CEP85: variants seen among roughly 807,000 people sequenced by gnomAD.
The protein encoded by CEP85 is centrosomal protein of 85 kDa.
A neutral mutation model predicts 93.7 loss-of-function variants in CEP85; 58 were observed. The observed-to-expected ratio is 0.62, with a 90% confidence interval of 0.50 to 0.77. CEP85 has a LOEUF of 0.77. Among genes scored for constraint, CEP85 ranks in the 30% least tolerant of loss-of-function variants. CEP85 has a pLI of 0.00. For synonymous variants in CEP85, 314 were observed against 338.6 expected (o/e 0.93, Z 0.80); for missense variants, 868 against 922.0 (o/e 0.94, Z 0.76).
intron 3 of CEP85, among the ~76,000 whole-genome samples, chr1:26,251,103 C>T (rs538122979): frequency 4.0e-5 from 6 of 151,236 alleles, no homozygotes; most frequent in African/African-American, 1.5e-4. Context: ...CCATCATGCC[C>T]AGCTAATTTT....
rs1351682256 is a variant in CEP85 at position 26,243,801 on chromosome 1, C to G, written c.56-365C>G. ...GATTATGAGATCAGGAGTTCAAGACCAGCCTGGCCAAGATGGTGAAACCGC... is the reference window on the plus strand; with the variant it reads ...GATTATGAGATCAGGAGTTCAAGACGAGCCTGGCCAAGATGGTGAAACCGC... On this transcript the variant is annotated intron_variant, in intron 2 of 13. Transcript: ENST00000451429. Among the ~76,000 whole-genome samples the G allele has an allele frequency of 2.0e-5, 3 of 152,078 alleles. No homozygotes were observed. The East Asian group carries it at 5.8e-4, about 29-fold the overall frequency.
intron 7 of CEP85, among the ~76,000 whole-genome samples, chr1:26,266,549 A>C (rs2089898176): frequency 6.6e-6 from 1 of 152,226 alleles, no homozygotes; most frequent in Admixed American, 6.5e-5. Flanking sequence ...GGTGATTCTG[A>C]TACATACTGA....
intron 2 of CEP85, among the ~76,000 whole-genome samples, chr1:26,240,045 C>T (rs1407393031): frequency 1.3e-5 from 2 of 152,078 alleles, no homozygotes; most frequent in Non-Finnish European, 1.5e-5. Context: ...AACAGGACCA[C>T]GTGGTTGGGA....
At position 26,255,726 on chromosome 1, in the gene CEP85, C is replaced by G; in HGVS notation, c.764C>G (p.Ala255Gly). Reference sequence around the variant, plus strand: ...GTCCTCCCTTTGGGACTCCAGCCTGCTCCCGGGCTCTCCAAGCCTCTGCCC... The same window carrying G: ...GTCCTCCCTTTGGGACTCCAGCCTGGTCCCGGGCTCTCCAAGCCTCTGCCC... ...SGVLPLGLQP[A>G]PGLSKPLPSQ... The change falls in exon 4 of 14, where the codon GCT (alanine) becomes GGT (glycine). Residue 255 changes from alanine (A) to glycine (G), a missense_variant. Coordinates refer to ENST00000451429, the MANE Select transcript of CEP85 (RefSeq NM_001319944.2). 1 of 1,614,182 alleles carries G rather than the reference C, an allele frequency of 6.2e-7. No individual in the cohort carries two copies.
intron 2 of CEP85, among the ~76,000 whole-genome samples, chr1:26,242,025 G>A (rs952715985): frequency 6.6e-6 from 1 of 151,480 alleles, no homozygotes; most frequent in Non-Finnish European, 1.5e-5. Flanking sequence ...GCCTCCCAAA[G>A]TGCTAGGATT....
In CEP85 at chr1:26,276,727, G is replaced by A; in HGVS notation, c.2095G>A (p.Asp699Asn). 13 of 1,614,092 alleles carry A rather than the reference G, an allele frequency of 8.1e-6. No individual in the cohort carries two copies. The highest frequency in any genetic ancestry group is 1.1e-5 in the Non-Finnish European group (13 of 1,179,996). ...TGTGACCCAGAGGGCCCAGGGCCATGACCCCAATCTCTCCCTGCTCCTGGG... is the reference window on the plus strand; with the variant it reads ...TGTGACCCAGAGGGCCCAGGGCCATAACCCCAATCTCTCCCTGCTCCTGGG... ...SIVTQRAQGH[D>N]PNLSLLLGIH... The change falls in exon 13 of 14, where the codon GAC becomes AAC. Residue 699 changes from aspartate (D) to asparagine (N), a missense_variant. Asp to Asn is a conservative substitution (Grantham distance 23, BLOSUM62 1). Coordinates refer to ENST00000451429, the MANE Select transcript of CEP85 (RefSeq NM_001319944.2).
chr1:26,266,014 C>T (rs1347820632), intron 7 of CEP85, among the ~76,000 whole-genome samples: 3 of 151,974 alleles, frequency 2.0e-5, no homozygotes, highest in Non-Finnish European at 2.9e-5. Context: ...TCAAGATCAG[C>T]GTGGCCAACA....
chr1:26,276,481 T>TA, intron 12 of CEP85, 54 bp from the exon 13 acceptor site: 1 of 1,399,232 alleles, frequency 7.1e-7, no homozygotes, highest in Non-Finnish European at 1.0e-6. Context: ...CATGCACAGA[T>TA]ACTCTTCCTC....
chr1:26,261,036 C>T (rs1251737618), intron 7 of CEP85, among the ~76,000 whole-genome samples: 1 of 151,684 alleles, frequency 6.6e-6, no homozygotes, highest in African/African-American at 2.4e-5. Context: ...GGTGATCCAC[C>T]CACCTCAGCC....
rs145067166 is a variant in CEP85 at position 26,259,869 on chromosome 1, T to A, written c.1341+67T>A. On this transcript the variant is annotated intron_variant, in intron 7 of 13. Transcript: ENST00000451429. ...GCAGTCAGCTGTCTACTCTAAAGCC[T>A]AAGCTGTTTCTGGCCTGGAACTAAG... The A allele has an allele frequency of 2.2e-3, 2,962 of 1,363,710 alleles. 21 individuals are homozygous for A. The Middle Eastern group carries it at 0.028, about 13-fold the overall frequency. 84.5% of individuals were successfully genotyped at this position (1,363,710 alleles called of 1,614,324 possible).
intron 7 of CEP85, 28 bp from the exon 8 acceptor site, chr1:26,268,455 G>A (rs770875992): frequency 1.9e-6 from 3 of 1,613,810 alleles, no homozygotes; most frequent in South Asian, 2.2e-5. Flanking sequence ...GTGAATGGTG[G>A]AGACAGACTT....
chr1:26,272,719 C>T (rs1272729915), intron 11 of CEP85, among the ~76,000 whole-genome samples: 3 of 149,152 alleles, frequency 2.0e-5, no homozygotes, highest in African/African-American at 7.4e-5. Flanking sequence ...ACCTCTGCCT[C>T]CCAGGTTCAA....
At chr1:26,275,848 A>G (rs1375599026) in intron 12 of CEP85, among the ~76,000 whole-genome samples, 2 of 152,194 alleles carry the variant, frequency 1.3e-5, no homozygotes, top group African/African-American at 2.4e-5. Context: ...ATAAAAATAC[A>G]ATCAAGGTAG....
chr1:26,263,246 G>A, intron 7 of CEP85: 1 of 321,402 alleles, frequency 3.1e-6, no homozygotes, highest in Non-Finnish European at 6.0e-6. Flanking sequence ...TGTTGACGAA[G>A]ATCTTATAAG....
chr1:26,277,092 G>A (rs1258667203), intron 13 of CEP85, 44 bp from the exon 14 acceptor site: 3 of 1,593,936 alleles, frequency 1.9e-6, no homozygotes, highest in African/African-American at 2.7e-5. Flanking sequence ...ACATGAAAAT[G>A]TCTCATAACT....
intron 11 of CEP85, among the ~76,000 whole-genome samples, chr1:26,272,617 A>ATTTTTTTTTTTTTTTT (rs397861910): frequency 3.3e-5 from 3 of 89,690 alleles, no homozygotes; most frequent in African/African-American, 1.5e-4. Context: ...CTATTACAGC[A>ATTTTTTTTTTTTTTTT]TTTTTTTTTT....
chr1:26,275,509 G>A (rs1286481661), intron 12 of CEP85, among the ~76,000 whole-genome samples: 21 of 152,248 alleles, frequency 1.4e-4, no homozygotes, highest in African/African-American at 5.1e-4. Flanking sequence ...TTCATCTCCT[G>A]ACCTTGTGAT....
intron 7 of CEP85, among the ~76,000 whole-genome samples, chr1:26,263,767 GAT>G (rs142573541): frequency 6.6e-6 from 1 of 150,626 alleles, no homozygotes; most frequent in Admixed American, 6.6e-5. Context: ...TCTTTCACCT[GAT>G]ATATATATAT....
At chr1:26,234,567 G>T (rs1410276945) in intron 1 of CEP85, among the ~76,000 whole-genome samples, 1 of 152,264 alleles carries the variant, frequency 6.6e-6, no homozygotes, top group Non-Finnish European at 1.5e-5. Context: ...GCCAGGCCCT[G>T]TGCCGATAGC....
Sources: allele counts gnomAD v4.1 joint callset (sites outside exome capture counted in the v4.1 genomes callset), GRCh38; gene constraint gnomAD v4.1.1; transcripts MANE v1.5; gene names NCBI Gene and HGNC (gene_info 2026-07-23, HGNC 2026-07-21).